B4GALNT2: variants seen among roughly 807,000 people sequenced by gnomAD.
The protein encoded by B4GALNT2 is N-acetylneuraminylgalactosylglucosyl-glucoside beta-1,4-N- acetylgalactosaminyltransferase 2.
A neutral mutation model predicts 51.1 loss-of-function variants in B4GALNT2; 42 were observed. That is an observed-to-expected ratio of 0.82 (90% CI 0.64 to 1.06). B4GALNT2 has a LOEUF of 1.06. Among genes scored for constraint, B4GALNT2 ranks in the 50% least tolerant of loss-of-function variants. B4GALNT2 has a pLI of 0.00. For missense variants in B4GALNT2, 602 were observed against 633.6 expected (o/e 0.95, Z 0.54); for synonymous variants, 253 against 251.7 (o/e 1.01, Z -0.05).
At position 49,138,172 on chromosome 17, in the gene B4GALNT2, T is replaced by C. The variant is rs567519743; in HGVS notation, c.15-3075T>C. ...TCTCTCTAAATTTCCTATATATTAA[T>C]AAGATTCTAGCATGGCAATAGACTT... is the stretch of plus-strand genomic sequence containing the variant. On this transcript the variant is annotated intron_variant, in intron 1 of 10. Coordinates refer to ENST00000393354, the MANE Select transcript of B4GALNT2 (RefSeq NM_001159387.2). Among the ~76,000 whole-genome samples the C allele has an allele frequency of 9.2e-5, 14 of 152,346 alleles. No homozygotes were observed. In the South Asian group the frequency reaches 1.0e-3, roughly 11 times the overall value.
intron 3 of B4GALNT2, among the ~76,000 whole-genome samples, chr17:49,150,865 T>C (rs1175418582): frequency 6.6e-6 from 1 of 150,484 alleles, no homozygotes; most frequent in Non-Finnish European, 1.5e-5. Flanking sequence ...CCTCCACTAT[T>C]GTCCTGTGAA....
intron 3 of B4GALNT2, among the ~76,000 whole-genome samples, chr17:49,152,591 G>A (rs922729773): frequency 6.6e-6 from 1 of 152,240 alleles, no homozygotes; most frequent in Non-Finnish European, 1.5e-5. Context: ...CAGGAGAATC[G>A]CTTGAGCCCG....
the B4GALNT2 span, among the ~76,000 whole-genome samples, chr17:49,126,496 T>TA: frequency 9.4e-3 from 1,122 of 118,750 alleles, 10 homozygotes; most frequent in African/African-American, 0.01. Flanking sequence ...GAATGATCAA[T>TA]AAAAAAAAAA....
At chr17:49,127,163 C>CT in the B4GALNT2 span, among the ~76,000 whole-genome samples, 1 of 152,254 alleles carries the variant, frequency 6.6e-6, no homozygotes, top group East Asian at 1.9e-4. Context: ...ATATAAGATT[C>CT]TTTTTTATAT....
At position 49,142,172 on chromosome 17, in the gene B4GALNT2, G is replaced by T; in HGVS notation, c.353G>T (p.Arg118Ile). Residue 118 changes from arginine (R) to isoleucine (I), a missense_variant and splice_region_variant, in exon 3 of 11, where the codon AGA becomes ATA. Coordinates refer to ENST00000393354, the MANE Select transcript of B4GALNT2 (RefSeq NM_001159387.2). ...RQAEFEHFQRREGLPRPLPLL... is the reference protein window; with the variant it reads ...RQAEFEHFQRIEGLPRPLPLL... ...GCTGAATTTGAACACTTTCAGAGGA[G>T]GTAATGCGGGTCATGAAGGCCCTTG... The T allele has an allele frequency of 6.2e-7, 1 of 1,613,998 alleles. No individual in the cohort carries two copies. Among genetic ancestry groups the T allele is most frequent in the Non-Finnish European group, 8.5e-7 (1 of 1,179,998 alleles).
chr17:49,128,381 T>C (rs920245538), upstream of B4GALNT2, among the ~76,000 whole-genome samples: 2 of 151,614 alleles, frequency 1.3e-5, no homozygotes, highest in African/African-American at 2.4e-5. Context: ...GGGCAGAGGG[T>C]TCAGATGGGT....
At chr17:49,139,332 G>C (rs1052691850) in intron 1 of B4GALNT2, among the ~76,000 whole-genome samples, 1 of 151,618 alleles carries the variant, frequency 6.6e-6, no homozygotes. Context: ...TTCGCCCTCC[G>C]GGCTCAAGTG....
At chr17:49,154,408 G>T (rs1340192728) in intron 4 of B4GALNT2, among the ~76,000 whole-genome samples, 1 of 152,014 alleles carries the variant, frequency 6.6e-6, no homozygotes, top group African/African-American at 2.4e-5. Flanking sequence ...GAATAAAGTT[G>T]AATATTATCA....
At chr17:49,122,318 T>C in the B4GALNT2 span, among the ~76,000 whole-genome samples, 1 of 152,144 alleles carries the variant, frequency 6.6e-6, no homozygotes, top group Non-Finnish European at 1.5e-5. Flanking sequence ...GACCCTATAG[T>C]TATAAAAAGG....
intron 2 of B4GALNT2, 39 bp downstream of exon 2, chr17:49,141,486 A>T: frequency 6.3e-7 from 1 of 1,587,914 alleles, no homozygotes; most frequent in South Asian, 1.1e-5. Flanking sequence ...CTTAATGCAC[A>T]CATCTTCCTT....
chr17:49,157,348 T>C (rs1163543198), intron 5 of B4GALNT2, among the ~76,000 whole-genome samples: 2 of 131,736 alleles, frequency 1.5e-5, no homozygotes, highest in South Asian at 2.8e-4. Context: ...TGAGATGGAG[T>C]CTCACTCTGT....
chr17:49,143,949 G>A lies in B4GALNT2; in HGVS notation c.353+1777G>A, dbSNP rs187836851. Among the ~76,000 whole-genome samples the A allele has an allele frequency of 3.6e-3, 550 of 152,066 alleles. 4 individuals are homozygous for A. The highest frequency in any genetic ancestry group is 0.013 in the African/African-American group (521 of 41,490). On this transcript the variant is annotated intron_variant, in intron 3 of 10. Coordinates refer to ENST00000393354, the MANE Select transcript of B4GALNT2 (RefSeq NM_001159387.2). ...AACCACCTGAGGTCAGGAGTTCGAGGCCAGCCTGGGCAACATGGCGAAACT... is the reference window on the plus strand; with the variant it reads ...AACCACCTGAGGTCAGGAGTTCGAGACCAGCCTGGGCAACATGGCGAAACT...
intron 1 of B4GALNT2, among the ~76,000 whole-genome samples, chr17:49,138,325 A>G (rs1243664357): frequency 2.0e-5 from 3 of 152,236 alleles, no homozygotes; most frequent in Non-Finnish European, 4.4e-5. Flanking sequence ...CATATGGGCC[A>G]CCTAAGAGTC....
At chr17:49,127,908 G>A (rs1027117931), upstream of B4GALNT2, among the ~76,000 whole-genome samples, 5 of 152,248 alleles carry the variant, frequency 3.3e-5, no homozygotes, top group Non-Finnish European at 7.4e-5. Flanking sequence ...ACCAAGAATG[G>A]CAAGACAGAG....
intron 3 of B4GALNT2, among the ~76,000 whole-genome samples, chr17:49,149,562 G>A (rs1156768050): frequency 2.0e-5 from 3 of 152,094 alleles, no homozygotes; most frequent in East Asian, 1.9e-4. Context: ...CAGGAAAATC[G>A]CTTGAACCCG....
rs147112900 is a variant in B4GALNT2 at position 49,141,437 on chromosome 17, G to T, written c.205G>T (p.Asp69Tyr). 3.7e-4 allele frequency: 596 copies of T among 1,613,894 alleles called. 2 individuals are homozygous for T. Among genetic ancestry groups the T allele is most frequent in the Non-Finnish European group, 3.2e-4 (382 of 1,179,980 alleles). Residue 69 changes from aspartate (D) to tyrosine (Y), a missense_variant, in exon 2 of 11, where the codon GAT (aspartate) becomes TAT (tyrosine). Asp to Tyr is a radical substitution (Grantham distance 160). Coordinates refer to ENST00000393354, the MANE Select transcript of B4GALNT2 (RefSeq NM_001159387.2). ...ACGTCTCAGGAACCTCTTTTCCTAC[G>T]ATGGAATCTGGTGAGAGACTGCGTG... ...EERLRNLFSY[D>Y]GIWLFPKNQC... is the part of the protein sequence containing the mutation.
the B4GALNT2 span, among the ~76,000 whole-genome samples, chr17:49,126,653 T>TC: frequency 0.16 from 20,837 of 127,256 alleles, 2,254 homozygotes; most frequent in Non-Finnish European, 0.24. Context: ...TTTCTTTCTT[T>TC]TTTTTTTTTT....
rs62078442 is a variant in B4GALNT2, at chr17:49,137,585, G to A, written c.15-3662G>A. On this transcript the variant is annotated intron_variant, in intron 1 of 10. Transcript: ENST00000393354. ...TATTCTGTTATAGCAGCACAAAACC[G>A]TACAAACCAGACCAAGGCAGTGTGA... Among the ~76,000 whole-genome samples, 315 of 152,184 alleles carry A rather than the reference G, an allele frequency of 2.1e-3. 1 individual carries two copies. The highest frequency in any genetic ancestry group is 2.6e-3 in the Non-Finnish European group (177 of 68,008).
chr17:49,166,013 T>G, intron 8 of B4GALNT2, 101 bp from the exon 9 acceptor site: 1 of 1,333,284 alleles, frequency 7.5e-7, no homozygotes, highest in Non-Finnish European at 1.0e-6. Flanking sequence ...GGAATTTGTC[T>G]GGAGTGCATG....
Sources: gnomAD v4.1 joint callset for allele counts (sites outside exome capture counted in the v4.1 genomes callset) on GRCh38, gnomAD v4.1.1 for gene constraint, MANE v1.5 for transcripts, NCBI Gene and HGNC (gene_info 2026-07-23, HGNC 2026-07-21) for gene names.